Variants in LEPR observed in about 807,000 individuals in gnomAD.
The protein encoded by LEPR is OB receptor.
A neutral mutation model predicts 114.7 loss-of-function variants in LEPR; 56 were observed. The observed-to-expected ratio is 0.49, with a 90% CI of 0.39 to 0.61. LEPR has a LOEUF of 0.61. Ranked by LOEUF, LEPR falls within the 20% of genes least tolerant of loss-of-function variation. The pLI is 0.00. For missense variants in LEPR, 1,202 were observed against 1,352.9 expected (o/e 0.89, Z 1.75); for synonymous variants, 443 against 461.4 (o/e 0.96, Z 0.51).
chr1:65,552,956 A>G (rs1353151041), intron 2 of LEPR, among the ~76,000 whole-genome samples: 1 of 152,052 alleles, frequency 6.6e-6, no homozygotes, highest in East Asian at 1.9e-4. Context: ...AAAGGATTTT[A>G]TTTCTCCTTC....
intron 7 of LEPR, among the ~76,000 whole-genome samples, chr1:65,597,680 C>G (rs1165531346): frequency 1.3e-5 from 2 of 152,062 alleles, no homozygotes; most frequent in Non-Finnish European, 2.9e-5. Context: ...TGAAAGGCCT[C>G]TTGGGCCATG....
At chr1:65,590,522 C>A (rs1036505210) in intron 5 of LEPR, among the ~76,000 whole-genome samples, 1 of 151,618 alleles carries the variant, frequency 6.6e-6, no homozygotes, top group African/African-American at 2.4e-5. Context: ...AGTGAGTTCT[C>A]ATGAGAGCTG....
chr1:65,639,637 TTTAAAC>T lies in LEPR; in HGVS notation c.*2626_*2631del, dbSNP rs1265083840. The T allele has an allele frequency of 2.0e-5, 3 of 152,310 alleles. No homozygotes were observed. Among genetic ancestry groups the T allele is most frequent in the African/African-American group, 7.2e-5 (3 of 41,566 alleles). 9.4% of individuals were successfully genotyped at this position (152,310 alleles called of 1,614,324 possible). On this transcript the variant is annotated 3_prime_UTR_variant, in exon 20 of 20. Coordinates refer to ENST00000349533, the MANE Select transcript of LEPR (RefSeq NM_002303.6). The stretch of plus-strand genomic sequence containing the variant: ...GGAGCTGAAATAGGGGCTATGGTCT[TTTAAAC>T]TTATAAATCTGGAATTTTTAATATT...
chr1:65,534,433 A>G (rs1028963676), intron 2 of LEPR, among the ~76,000 whole-genome samples: 3 of 152,184 alleles, frequency 2.0e-5, no homozygotes, highest in African/African-American at 7.2e-5. Context: ...CTTGAATTCC[A>G]TTTATTTATT....
chr1:65,474,180 A>G (rs1400737010), intron 2 of LEPR, among the ~76,000 whole-genome samples: 1 of 152,146 alleles, frequency 6.6e-6, no homozygotes, highest in African/African-American at 2.4e-5. Context: ...TGTATCCCCT[A>G]GTGATCTCTG....
chr1:65,565,855 ACACACACAGACT>A (rs1219887645), intron 3 of LEPR, among the ~76,000 whole-genome samples: 51 of 151,998 alleles, frequency 3.4e-4, no homozygotes, highest in Admixed American at 1.5e-3. Flanking sequence ...TCACACACAC[ACACACACAGACT>A]CACACACACA....
At chr1:65,488,163 T>TTTCTTC (rs1557619884) in intron 2 of LEPR, among the ~76,000 whole-genome samples, 1 of 29,092 alleles carries the variant, frequency 3.4e-5, no homozygotes, top group Non-Finnish European at 6.9e-5. Flanking sequence ...TTCCTTCCTT[T>TTTCTTC]CTTTCTTTCT....
chr1:65,550,206 G>A lies in LEPR; in HGVS notation c.-20-15340G>A, dbSNP rs529068859. ...CTCAGAGGAGTACCCGGCCGTGGGA[G>A]GTGTCGGTCTGCCCCTACTGGGGGG... is the stretch of plus-strand genomic sequence containing the variant. On this transcript the variant is annotated intron_variant, in intron 2 of 19. Coordinates refer to ENST00000349533, the MANE Select transcript of LEPR (RefSeq NM_002303.6). Among the ~76,000 whole-genome samples, 208 of 152,268 alleles carry A rather than the reference G, an allele frequency of 1.4e-3. 3 individuals carry two copies. Among genetic ancestry groups the A allele is most frequent in the Non-Finnish European group, 5.1e-4 (35 of 68,020 alleles).
chr1:65,510,668 C>T (rs766044027), intron 2 of LEPR, among the ~76,000 whole-genome samples: 1 of 152,048 alleles, frequency 6.6e-6, no homozygotes, highest in Non-Finnish European at 1.5e-5. Flanking sequence ...ATCTCAAAAG[C>T]GCAGACTAGG....
intron 2 of LEPR, among the ~76,000 whole-genome samples, chr1:65,543,097 A>G (rs1044075852): frequency 1.3e-5 from 2 of 151,896 alleles, no homozygotes; most frequent in Non-Finnish European, 2.9e-5. Context: ...AAGCGTTCCT[A>G]TTTCTCCGCA....
At chr1:65,432,801 G>C in intron 2 of LEPR, 3 of 537,752 alleles carry the variant, frequency 5.6e-6, no homozygotes, top group Non-Finnish European at 7.1e-6. Context: ...TGCTAAGAGA[G>C]TAAATTTCTA....
chr1:65,591,148 T>C (rs1270987346), intron 5 of LEPR, among the ~76,000 whole-genome samples: 1 of 152,108 alleles, frequency 6.6e-6, no homozygotes, highest in Non-Finnish European at 1.5e-5. Context: ...TTAGGGCCTT[T>C]CCAAATATCT....
chr1:65,471,739 G>T (rs1384615108), intron 2 of LEPR, among the ~76,000 whole-genome samples: 1 of 152,204 alleles, frequency 6.6e-6, no homozygotes, highest in African/African-American at 2.4e-5. Context: ...AGATCTGAAG[G>T]ATGAGTAGAA....
rs773839722 is a variant in LEPR at position 65,605,017 on chromosome 1, CTA to C, written c.1404-19_1404-18del. ...GCTTTTATTAATGTATACTAATTGA[CTA>C]TTTTTGTATCTTTTAAAGGAGCAGC... On this transcript the variant is annotated intron_variant, in intron 10 of 19. Coordinates refer to ENST00000349533, the MANE Select transcript of LEPR (RefSeq NM_002303.6). 3.1e-6 allele frequency: 5 copies of C among 1,609,010 alleles called. No homozygotes were observed. The African/African-American group carries it at 5.3e-5, about 17-fold the overall frequency.
chr1:65,611,952 G>C (rs944005476), intron 14 of LEPR, among the ~76,000 whole-genome samples: 1 of 152,202 alleles, frequency 6.6e-6, no homozygotes, highest in East Asian at 1.9e-4. Flanking sequence ...TGATTTGTGG[G>C]AGGGAGACAG....
At chr1:65,455,857 A>C (rs1417824446) in intron 2 of LEPR, among the ~76,000 whole-genome samples, 7 of 152,176 alleles carry the variant, frequency 4.6e-5, no homozygotes, top group Admixed American at 2.6e-4. Flanking sequence ...AAGCCTGGAC[A>C]ATGGTGGGCG....
intron 6 of LEPR, among the ~76,000 whole-genome samples, chr1:65,595,233 C>T (rs546632831): frequency 2.2e-4 from 33 of 152,090 alleles, no homozygotes; most frequent in Non-Finnish European, 3.2e-4. Flanking sequence ...TCTGTGCAAG[C>T]GGCTTTTATG....
intron 2 of LEPR, among the ~76,000 whole-genome samples, chr1:65,546,063 G>A (rs1651688817): frequency 6.6e-6 from 1 of 151,702 alleles, no homozygotes; most frequent in Admixed American, 6.6e-5. Context: ...ATTAAATAGG[G>A]AATCCTTTCC....
chr1:65,432,992 G>A, intron 2 of LEPR: 1 of 985,362 alleles, frequency 1.0e-6, no homozygotes, highest in Non-Finnish European at 1.2e-6. Flanking sequence ...TCTCAGTGGG[G>A]AACAGATGTA....
Sources: gnomAD v4.1 joint callset for allele counts (sites outside exome capture counted in the v4.1 genomes callset) on GRCh38, gnomAD v4.1.1 for gene constraint, MANE v1.5 for transcripts, NCBI Gene and HGNC (gene_info 2026-07-23, HGNC 2026-07-21) for gene names.